Variants in DDX4 observed in about 807,000 individuals in gnomAD.
DDX4 encodes probable ATP-dependent RNA helicase DDX4.
In DDX4, 25 loss-of-function variants were observed where a neutral mutation model predicts 100.0. The observed-to-expected ratio is 0.25, with a 90% CI of 0.18 to 0.35. DDX4 has a LOEUF of 0.35. Among genes scored for constraint, DDX4 ranks in the 10% least tolerant of loss-of-function variants. The pLI, the probability that DDX4 is intolerant of heterozygous loss-of-function variation, is 1.00. For missense variants in DDX4, 635 were observed against 882.4 expected, an observed-to-expected ratio of 0.72 and a Z score of 3.55; for synonymous variants, 259 against 275.7, an observed-to-expected ratio of 0.94 and a Z score of 0.60.
At chr5:55,800,193 T>C (rs1743207412) in intron 18 of DDX4, among the ~76,000 whole-genome samples, 1 of 152,204 alleles carries the variant, frequency 6.6e-6, no homozygotes, top group Non-Finnish European at 1.5e-5. Context: ...ATCCCCATTT[T>C]AGGGATGAAG....
chr5:55,743,533 G>A (rs1360979311), intron 2 of DDX4, among the ~76,000 whole-genome samples: 1 of 152,028 alleles, frequency 6.6e-6, no homozygotes, highest in African/African-American at 2.4e-5. Flanking sequence ...GGGTTCAGGC[G>A]ATTCTCCTGC....
intron 2 of DDX4, among the ~76,000 whole-genome samples, chr5:55,743,413 T>C (rs1759090038): frequency 6.6e-6 from 1 of 152,160 alleles, no homozygotes; most frequent in Non-Finnish European, 1.5e-5. Context: ...TTTCATCTGC[T>C]GTGACCCCTT....
At chr5:55,738,344 C>G (rs974590986) in intron 1 of DDX4, 2 of 153,324 alleles carry the variant, frequency 1.3e-5, no homozygotes, top group Non-Finnish European at 2.9e-5. Context: ...AGACATGGTC[C>G]GAGTACCATT....
intron 3 of DDX4, among the ~76,000 whole-genome samples, chr5:55,753,232 A>G (rs1023487493): frequency 1.6e-4 from 24 of 151,814 alleles, no homozygotes; most frequent in Non-Finnish European, 2.9e-4. Flanking sequence ...CCATTGCCCT[A>G]TGAAGTCCTT....
intron 2 of DDX4, among the ~76,000 whole-genome samples, chr5:55,741,329 G>A (rs1758971101): frequency 6.6e-6 from 1 of 152,192 alleles, no homozygotes; most frequent in Non-Finnish European, 1.5e-5. Context: ...TCTACCTTAT[G>A]ATGCTTAATA....
intron 3 of DDX4, among the ~76,000 whole-genome samples, chr5:55,749,918 A>G (rs1207067865): frequency 6.6e-6 from 1 of 150,984 alleles, no homozygotes; most frequent in Non-Finnish European, 1.5e-5. Context: ...AAATTGCTTT[A>G]CAAAAGGAGG....
At position 55,794,536 on chromosome 5, in the gene DDX4, A is replaced by G. The variant is rs375760175; in HGVS notation, c.1469+1729A>G. Among the ~76,000 whole-genome samples, 18 of 152,122 alleles carry G rather than the reference A, an allele frequency of 1.2e-4. No homozygotes were observed. In the East Asian group the frequency reaches 3.1e-3, roughly 26 times the overall value. ...TTTCAGGTGGAAATGGGGTATTTGC[A>G]TTCCCACCATTTGCTTTGGTAACTA... On this transcript the variant is annotated intron_variant, in intron 17 of 21. Transcript: ENST00000505374.
intron 3 of DDX4, among the ~76,000 whole-genome samples, chr5:55,754,639 T>G (rs1024419497): frequency 3.2e-4 from 48 of 152,014 alleles, no homozygotes; most frequent in Admixed American, 7.2e-4. Context: ...ATTATCTTTT[T>G]TTGTTGTGTC....
At chr5:55,785,703 A>G (rs766579090) in intron 12 of DDX4, 26 bp from the exon 13 acceptor site, 16 of 1,597,334 alleles carry the variant, frequency 1.0e-5, no homozygotes, top group Non-Finnish European at 1.2e-5. Flanking sequence ...TGTAACGTAC[A>G]TTATGTTTTT....
At chr5:55,782,119 A>T in intron 10 of DDX4, 138 bp downstream of exon 10, 1 of 944,114 alleles carries the variant, frequency 1.1e-6, no homozygotes, top group Non-Finnish European at 1.6e-6. Flanking sequence ...ATACACTGTG[A>T]GGACCATAAA....
intron 3 of DDX4, among the ~76,000 whole-genome samples, chr5:55,747,639 C>CT: frequency 6.6e-6 from 1 of 152,334 alleles, no homozygotes; most frequent in Middle Eastern, 3.4e-3. Context: ...TCAGTACAGT[C>CT]TCATTAGTCT....
At chr5:55,758,037 T>G (rs768488288) in intron 3 of DDX4, among the ~76,000 whole-genome samples, 21 of 152,210 alleles carry the variant, frequency 1.4e-4, no homozygotes, top group Non-Finnish European at 1.9e-4. Context: ...AGAGCAAGAC[T>G]CCATCTCAAA....
chr5:55,768,484 T>A (rs1741062301), intron 7 of DDX4, among the ~76,000 whole-genome samples: 1 of 152,214 alleles, frequency 6.6e-6, no homozygotes, highest in African/African-American at 2.4e-5. Context: ...TGCCTAGTAT[T>A]CCATGGCGCA....
chr5:55,774,544 G>A (rs947938155), intron 7 of DDX4, among the ~76,000 whole-genome samples: 2 of 152,140 alleles, frequency 1.3e-5, no homozygotes, highest in African/African-American at 4.8e-5. Context: ...ATCAAACCCA[G>A]TTTATCTTTT....
intron 7 of DDX4, among the ~76,000 whole-genome samples, chr5:55,772,504 G>A (rs1479733851): frequency 1.3e-5 from 2 of 152,126 alleles, no homozygotes; most frequent in South Asian, 2.1e-4. Flanking sequence ...GGCATTGTAA[G>A]TCTTTCAAGT....
At position 55,801,416 on chromosome 5, in the gene DDX4, A is replaced by C. The variant is rs1047812826; in HGVS notation, c.1615+2845A>C. Reference sequence around the variant, plus strand: ...GTAGATGTAAAACTGGTCATTATTCAAATGCAATAATCACATTTCAGGGGA... The same window carrying C: ...GTAGATGTAAAACTGGTCATTATTCCAATGCAATAATCACATTTCAGGGGA... On this transcript the variant is annotated intron_variant, in intron 18 of 21. Coordinates refer to ENST00000505374, the MANE Select transcript of DDX4 (RefSeq NM_024415.3). 4.6e-5 allele frequency among the ~76,000 whole-genome samples: 7 copies of C among 152,312 alleles called. No individual in the cohort carries two copies. The East Asian group carries it at 1.3e-3, about 29-fold the overall frequency.
chr5:55,809,099 G>T (rs1003641198), intron 18 of DDX4, among the ~76,000 whole-genome samples: 1 of 152,224 alleles, frequency 6.6e-6, no homozygotes, highest in Admixed American at 6.5e-5. Context: ...CTCCATGGGG[G>T]TAGGACCCTT....
Position 55,779,954 on chromosome 5 carries a change from A to C in DDX4, c.395-10A>C. The C allele has an allele frequency of 6.2e-7, 1 of 1,611,446 alleles. No individual in the cohort carries two copies. The highest frequency in any genetic ancestry group is 1.1e-5 in the South Asian group (1 of 90,612). On this transcript the variant is annotated splice_polypyrimidine_tract_variant and intron_variant, in intron 7 of 21. Coordinates refer to ENST00000505374, the MANE Select transcript of DDX4 (RefSeq NM_024415.3). ...TTTGTGTTGTTCTTGTGTGTGTTTT[A>C]ACATTATAGGCTATCGAGATGGAAA...
intron 3 of DDX4, among the ~76,000 whole-genome samples, chr5:55,758,311 T>C (rs1476904609): frequency 3.3e-5 from 5 of 152,220 alleles, no homozygotes; most frequent in African/African-American, 1.2e-4. Flanking sequence ...TTCAGTTTAC[T>C]GTTGGGTTTG....
Sources: gnomAD v4.1 joint callset for allele counts (sites outside exome capture counted in the v4.1 genomes callset) on GRCh38, gnomAD v4.1.1 for gene constraint, MANE v1.5 for transcripts, NCBI Gene and HGNC (gene_info 2026-07-23, HGNC 2026-07-21) for gene names.